Variants in SYNE2 observed in about 807,000 individuals in gnomAD.
SYNE2 encodes the protein spectrin repeat containing nuclear envelope protein 2.
Under a neutral mutation model 856.3 loss-of-function variants are expected in SYNE2, and 431 were observed. The ratio of observed to expected loss-of-function variants is 0.50; its 90% confidence interval spans 0.47 to 0.55. The LOEUF (loss-of-function observed/expected upper bound fraction) is 0.55, where lower values mean the gene tolerates loss of function less well. Among genes scored for constraint, SYNE2 ranks in the 20% least tolerant of loss-of-function variants. The pLI is 0.00. For synonymous variants in SYNE2, 2,923 were observed against 2,872.3 expected (o/e 1.02, Z -0.56); for missense variants, 8,129 against 8,023.2 (o/e 1.01, Z -0.50).
Position 64,163,506 on chromosome 14 carries a change from C to T in SYNE2, c.16404C>T (p.Leu5468=), listed in dbSNP as rs763539046. 24 of 1,614,070 alleles carry T rather than the reference C, an allele frequency of 1.5e-5. No individual in the cohort carries two copies. In the South Asian group the frequency reaches 2.0e-4, roughly 13 times the overall value. The change falls in exon 89 of 116, where the codon CTC becomes CTT. Residue 5468 remains leucine (L), a synonymous_variant. Transcript: ENST00000555002. ...QPAESSTHML[L]PGPLHSLQRA... Reference sequence around the variant, plus strand: ...CAGAGTCCAGCACCCACATGCTCCTCCCGGGCCCCCTGCACTCTCTCCAGA... The same window carrying T: ...CAGAGTCCAGCACCCACATGCTCCTTCCGGGCCCCCTGCACTCTCTCCAGA...
chr14:64,136,665 G>C (rs958023365), intron 78 of SYNE2, among the ~76,000 whole-genome samples: 1 of 152,120 alleles, frequency 6.6e-6, no homozygotes, highest in Non-Finnish European at 1.5e-5. Flanking sequence ...CGTGAAGTTG[G>C]ATTAATGATA....
At position 64,097,995 on chromosome 14, in the gene SYNE2, G is replaced by A. The variant is rs1351003735; in HGVS notation, c.12155G>A (p.Arg4052Lys). 4 of 1,614,218 alleles carry A rather than the reference G, an allele frequency of 2.5e-6. No homozygotes were observed. Among genetic ancestry groups the A allele is most frequent in the Non-Finnish European group, 3.4e-6 (4 of 1,180,046 alleles). Residue 4052 changes from arginine to lysine, a missense_variant, in exon 62 of 116, where the codon AGA becomes AAA. Physicochemically the swap from Arg to Lys is conservative, Grantham distance 26. Transcript: ENST00000555002. Reference protein sequence around the residue: ...MEKQILSLNQRKEDLLVDLKA... With the variant: ...MEKQILSLNQKKEDLLVDLKA... ...AAACAGATTCTGAGTTTGAACCAGA[G>A]AAAAGAAGACCTGTTGGTGGACTTG...
chr14:63,778,166 T>TAGTG (rs990412392), intron 1 of SYNE2, among the ~76,000 whole-genome samples: 6 of 152,168 alleles, frequency 3.9e-5, no homozygotes, highest in Non-Finnish European at 8.8e-5. Context: ...GTTCTCCTGA[T>TAGTG]AGTGAGTGAG....
chr14:63,906,941 A>T (rs1016186037), intron 1 of SYNE2, among the ~76,000 whole-genome samples: 1 of 152,182 alleles, frequency 6.6e-6, no homozygotes, highest in African/African-American at 2.4e-5. Context: ...TAGAACGGGT[A>T]AGGAGTCTCT....
At chr14:63,994,829 G>A (rs1428456412) in intron 22 of SYNE2, among the ~76,000 whole-genome samples, 1 of 151,868 alleles carries the variant, frequency 6.6e-6, no homozygotes, top group Non-Finnish European at 1.5e-5. Flanking sequence ...GCCTTTCACA[G>A]CTAAAATACA....
chr14:64,142,167 A>G, intron 82 of SYNE2, 79 bp downstream of exon 82: 1 of 1,535,398 alleles, frequency 6.5e-7, no homozygotes, highest in Non-Finnish European at 9.0e-7. Flanking sequence ...ACAAAGGGAC[A>G]CATAGGATAT....
intron 76 of SYNE2, 34 bp from the exon 77 acceptor site, chr14:64,132,231 C>T (rs769369577): frequency 1.2e-5 from 20 of 1,609,926 alleles, no homozygotes; most frequent in African/African-American, 2.7e-5. Flanking sequence ...TTCACAATTT[C>T]AAAGTAAATA....
intron 8 of SYNE2, 81 bp from the exon 9 acceptor site, chr14:63,961,444 G>A: frequency 8.6e-7 from 1 of 1,166,324 alleles, no homozygotes; most frequent in Non-Finnish European, 1.3e-6. Context: ...CCAAATGGCA[G>A]AGGCTATGGC....
rs2097455683 is a variant in SYNE2, at chr14:64,076,010, C to T, written c.10932C>T (p.Ile3644=). 6.2e-7 allele frequency: 1 copy of T among 1,613,882 alleles called. No individual in the cohort carries two copies. Among genetic ancestry groups the T allele is most frequent in the Non-Finnish European group, 8.5e-7 (1 of 1,179,824 alleles). ...TFENIMEKLR[I]KYSEMYTIVP... ...AGAATATTATGGAAAAACTGCGAAT[C>T]AAGTATTCCGAAATGTACACCATAG... Residue 3644 remains isoleucine (I), a synonymous_variant, in exon 54 of 116, where the codon ATC becomes ATT. Transcript: ENST00000555002.
At position 64,199,728 on chromosome 14, in the gene SYNE2, A is replaced by AT. The variant is rs201963191; in HGVS notation, c.18039-3073_18039-3072insT. On this transcript the variant is annotated intron_variant, in intron 99 of 115. Coordinates refer to ENST00000555002, the MANE Select transcript of SYNE2 (RefSeq NM_182914.3). ...GACTCTGTCTCAAAAAAAAAAAAAA[A>AT]AAAAAAAAGTACATGAGTTGCTAAC... is the stretch of plus-strand genomic sequence containing the variant. 4.1e-3 allele frequency among the ~76,000 whole-genome samples: 618 copies of AT among 151,430 alleles called. 9 individuals carry two copies. Among genetic ancestry groups the AT allele is most frequent in the African/African-American group, 0.014 (594 of 40,984 alleles).
At chr14:63,948,690 GTA>G (rs1202003794) in intron 6 of SYNE2, among the ~76,000 whole-genome samples, 15 of 106,572 alleles carry the variant, frequency 1.4e-4, no homozygotes, top group African/African-American at 2.0e-4. Context: ...ATATATGTGT[GTA>G]TATATATATA....
In SYNE2 at chr14:64,093,464, A is replaced by G. The variant is rs2097647479; in HGVS notation, c.12092A>G (p.Lys4031Arg). The G allele has an allele frequency of 1.9e-6, 3 of 1,614,054 alleles. No individual in the cohort carries two copies. Among genetic ancestry groups the G allele is most frequent in the Admixed American group, 1.7e-5 (1 of 60,002 alleles). ...CATATGTCACCAGACCAAGCTGACAAGCTGCCACAACTACAGGTATGTTTC... is the reference window on the plus strand; with the variant it reads ...CATATGTCACCAGACCAAGCTGACAGGCTGCCACAACTACAGGTATGTTTC... ...LEHMSPDQAD[K>R]LPQLQGEIER... The change falls in exon 61 of 116, where the codon AAG becomes AGG. Residue 4031 changes from lysine (K) to arginine (R), a missense_variant. This residue lies in a region of SYNE2 where 5,410 missense variants were observed against 5,284.8 expected (regional missense o/e 1.02). Coordinates refer to ENST00000555002, the MANE Select transcript of SYNE2 (RefSeq NM_182914.3).
intron 1 of SYNE2, among the ~76,000 whole-genome samples, chr14:63,779,479 CA>C (rs1887229972): frequency 6.7e-6 from 1 of 148,558 alleles, no homozygotes; most frequent in Admixed American, 6.8e-5. Context: ...GGATCAGCTG[CA>C]AAAACCTCAG....
chr14:64,164,608 C>T (rs2098359583), intron 89 of SYNE2, among the ~76,000 whole-genome samples: 1 of 152,076 alleles, frequency 6.6e-6, no homozygotes, highest in African/African-American at 2.4e-5. Flanking sequence ...CACAGAAGGC[C>T]ATGGAGTTGC....
At chr14:63,832,799 C>G (rs1444603716) in intron 1 of SYNE2, among the ~76,000 whole-genome samples, 2 of 133,174 alleles carry the variant, frequency 1.5e-5, no homozygotes, top group African/African-American at 5.6e-5. Flanking sequence ...GAGGCAGAGG[C>G]GGGAGGTTAG....
At chr14:63,771,223 T>C (rs1028716777) in intron 1 of SYNE2, among the ~76,000 whole-genome samples, 17 of 151,480 alleles carry the variant, frequency 1.1e-4, no homozygotes, top group Middle Eastern at 3.2e-3. Context: ...GCGCCCACCA[T>C]CACGCCCGGC....
chr14:63,938,665 A>C (rs969131244), intron 2 of SYNE2, among the ~76,000 whole-genome samples: 1 of 152,054 alleles, frequency 6.6e-6, no homozygotes, highest in African/African-American at 2.4e-5. Context: ...AGAGAAAGCA[A>C]AGCTGCCACT....
intron 29 of SYNE2, 36 bp from the exon 30 acceptor site, chr14:64,002,684 A>T: frequency 1.2e-6 from 2 of 1,602,928 alleles, no homozygotes; most frequent in Non-Finnish European, 1.7e-6. Context: ...TCTTTTTTCC[A>T]CCTCAGTGTT....
chr14:63,888,519 T>TA (rs1461575178), intron 1 of SYNE2, among the ~76,000 whole-genome samples: 1 of 152,188 alleles, frequency 6.6e-6, no homozygotes, highest in Non-Finnish European at 1.5e-5. Flanking sequence ...CTTGCCTAAT[T>TA]ATTTTATTTA....
Sources: allele counts gnomAD v4.1 joint callset (sites outside exome capture counted in the v4.1 genomes callset), GRCh38; gene constraint gnomAD v4.1.1; regional missense constraint gnomAD v4.1.1; transcripts MANE v1.5; gene names NCBI Gene and HGNC (gene_info 2026-07-23, HGNC 2026-07-21).